The following CAMTA1 variants were observed in gnomAD, a reference collection of about 807,000 sequenced individuals.
CAMTA1 encodes calmodulin binding transcription activator 1, also known as calmodulin-binding transcription activator 1.
In CAMTA1, 27 loss-of-function variants were observed where a neutral mutation model predicts 170.9. The observed-to-expected ratio is 0.16, with a 90% CI of 0.12 to 0.22. CAMTA1 has a LOEUF of 0.22. Among genes scored for constraint, CAMTA1 ranks in the 10% least tolerant of loss-of-function variants. The pLI, the probability that CAMTA1 is intolerant of heterozygous loss-of-function variation, is 1.00. For missense variants in CAMTA1, 1,619 were observed against 2,217.2 expected, an observed-to-expected ratio of 0.73 and a Z score of 5.42; for synonymous variants, 833 against 891.5, an observed-to-expected ratio of 0.93 and a Z score of 1.17.
chr1:7,701,706 C>A (rs2096442016), intron 11 of CAMTA1, among the ~76,000 whole-genome samples: 1 of 152,096 alleles, frequency 6.6e-6, no homozygotes, highest in Admixed American at 6.5e-5. Flanking sequence ...CAGGTGTGAG[C>A]CACCGTGCCC....
intron 6 of CAMTA1, among the ~76,000 whole-genome samples, chr1:7,599,079 C>T (rs970274068): frequency 6.6e-6 from 1 of 152,204 alleles, no homozygotes; most frequent in Non-Finnish European, 1.5e-5. Context: ...TTTGGTCTAA[C>T]ATTTAAATCT....
intron 3 of CAMTA1, among the ~76,000 whole-genome samples, chr1:6,990,694 G>A (rs893292408): frequency 2.6e-4 from 40 of 151,624 alleles, no homozygotes; most frequent in African/African-American, 9.5e-4. Flanking sequence ...CTACCCCCAG[G>A]CAACCAATGT....
chr1:7,450,616 C>A, intron 5 of CAMTA1, among the ~76,000 whole-genome samples: 1 of 152,358 alleles, frequency 6.6e-6, no homozygotes, highest in Middle Eastern at 3.4e-3. Context: ...CAATACCGCC[C>A]CGTGCAGGTT....
chr1:6,883,427 C>T (rs1278788635), intron 3 of CAMTA1, among the ~76,000 whole-genome samples: 2 of 152,076 alleles, frequency 1.3e-5, no homozygotes, highest in East Asian at 3.8e-4. Flanking sequence ...TTTCGGCAGC[C>T]TAAGTGTAGG....
intron 5 of CAMTA1, among the ~76,000 whole-genome samples, chr1:7,394,125 T>C (rs1374018451): frequency 6.6e-6 from 1 of 152,254 alleles, no homozygotes; most frequent in East Asian, 1.9e-4. Flanking sequence ...GTTGATTCTA[T>C]GTCTTGGCTA....
intron 6 of CAMTA1, among the ~76,000 whole-genome samples, chr1:7,540,433 A>AC (rs1433546666): frequency 6.6e-6 from 1 of 151,920 alleles, no homozygotes. Flanking sequence ...AAATCCTGCC[A>AC]CCCCCCACCC....
chr1:7,385,059 A>G (rs1042890705), intron 5 of CAMTA1, among the ~76,000 whole-genome samples: 1 of 149,882 alleles, frequency 6.7e-6, no homozygotes, highest in African/African-American at 2.5e-5. Flanking sequence ...CAGCCCTCCT[A>G]TGCCCCCTGC....
chr1:7,338,498 A>T (rs144525852), intron 5 of CAMTA1, among the ~76,000 whole-genome samples: 12 of 152,346 alleles, frequency 7.9e-5, no homozygotes, highest in African/African-American at 2.9e-4. Context: ...TCAATGCATC[A>T]TCAATTCATG....
At chr1:7,529,261 G>C (rs1048885006) in intron 6 of CAMTA1, among the ~76,000 whole-genome samples, 5 of 152,126 alleles carry the variant, frequency 3.3e-5, no homozygotes, top group Non-Finnish European at 7.4e-5. Context: ...GCTTGCTCAA[G>C]GTCCCTGTGA....
chr1:7,372,230 C>T (rs2086528052), intron 5 of CAMTA1, among the ~76,000 whole-genome samples: 1 of 152,186 alleles, frequency 6.6e-6, no homozygotes, highest in Admixed American at 6.5e-5. Context: ...CCTTGCCCTT[C>T]AGAAGCTGCT....
intron 4 of CAMTA1, among the ~76,000 whole-genome samples, chr1:7,151,654 G>A (rs1363632206): frequency 6.6e-6 from 1 of 152,240 alleles, no homozygotes. Flanking sequence ...GACCCCCAGT[G>A]CTTCTTAGAG....
rs2093403101 is a variant in CAMTA1, at chr1:7,475,311, T to A, written c.510+7410T>A. Among the ~76,000 whole-genome samples, 3 of 152,086 alleles carry A rather than the reference T, an allele frequency of 2.0e-5. No individual in the cohort carries two copies. The South Asian group carries it at 6.2e-4, about 32-fold the overall frequency. ...CTGCCATCTATCGCTGGGGCAGGGC[T>A]CCACGGCTCCCACCAAATGAGGCTT... On this transcript the variant is annotated intron_variant, in intron 6 of 22. Transcript: ENST00000303635.
At chr1:6,838,285 G>A (rs565563944) in intron 3 of CAMTA1, among the ~76,000 whole-genome samples, 2 of 152,298 alleles carry the variant, frequency 1.3e-5, no homozygotes, top group African/African-American at 4.8e-5. Flanking sequence ...CAAAATGTGC[G>A]CTCCCTGTGT....
intron 3 of CAMTA1, among the ~76,000 whole-genome samples, chr1:6,999,674 G>T (rs949416573): frequency 2.6e-5 from 4 of 152,128 alleles, no homozygotes; most frequent in African/African-American, 9.7e-5. Flanking sequence ...ACCCGGCCGG[G>T]TCTTTTTTCT....
intron 4 of CAMTA1, among the ~76,000 whole-genome samples, chr1:7,232,703 C>G (rs1484820814): frequency 6.6e-6 from 1 of 152,082 alleles, no homozygotes. Context: ...TTATGTAGCT[C>G]TCCCTTTGTG....
At chr1:7,391,081 C>G (rs768874830) in intron 5 of CAMTA1, among the ~76,000 whole-genome samples, 1 of 152,018 alleles carries the variant, frequency 6.6e-6, no homozygotes, top group Non-Finnish European at 1.5e-5. Flanking sequence ...CACCGCAACC[C>G]CCACCTCCCA....
intron 3 of CAMTA1, among the ~76,000 whole-genome samples, chr1:6,946,976 T>A (rs1687676853): frequency 6.6e-6 from 1 of 152,230 alleles, no homozygotes; most frequent in African/African-American, 2.4e-5. Context: ...TTATTTTGAG[T>A]TAATTTTTGT....
chr1:7,741,099 G>A (rs564188905), intron 16 of CAMTA1, among the ~76,000 whole-genome samples: 318 of 152,278 alleles, frequency 2.1e-3, no homozygotes, highest in Non-Finnish European at 3.7e-3. Context: ...GACGAATAAT[G>A]TTTAAACTAT....
intron 3 of CAMTA1, among the ~76,000 whole-genome samples, chr1:6,841,264 G>T (rs898391154): frequency 1.3e-5 from 2 of 152,160 alleles, no homozygotes; most frequent in Non-Finnish European, 2.9e-5. Flanking sequence ...AAGGTCAGCT[G>T]ATTAACAACC....
Sources: allele counts gnomAD v4.1 joint callset (sites outside exome capture counted in the v4.1 genomes callset), GRCh38; gene constraint gnomAD v4.1.1; transcripts MANE v1.5; gene names NCBI Gene and HGNC (gene_info 2026-07-23, HGNC 2026-07-21).